The following GOLGA8T variants were observed in gnomAD, a reference collection of about 807,000 sequenced individuals.
The protein encoded by GOLGA8T is golgin subfamily A member 8T.
In GOLGA8T, 17 loss-of-function variants were observed where a neutral mutation model predicts 52.0. The ratio of observed to expected loss-of-function variants is 0.33; its 90% CI spans 0.22 to 0.49. The LOEUF (loss-of-function observed/expected upper bound fraction) is 0.49. Ranked by LOEUF, GOLGA8T falls within the 20% of genes least tolerant of loss-of-function variation. GOLGA8T has a pLI of 0.99. For synonymous variants in GOLGA8T, 67 were observed against 169.5 expected (o/e 0.40, Z 4.70); for missense variants, 154 against 462.1 (o/e 0.33, Z 6.11).
At chr15:30,142,447 G>T in intron 13 of GOLGA8T, 65 bp downstream of exon 13, 12 of 1,581,138 alleles carry the variant, frequency 7.6e-6, no homozygotes, top group South Asian at 1.1e-5. Flanking sequence ...AGACTCTGGG[G>T]AGGGGAGGTA....
At chr15:30,142,409 A>G (rs754547330) in intron 13 of GOLGA8T, 27 bp downstream of exon 13, 1 of 1,572,310 alleles carries the variant, frequency 6.4e-7, no homozygotes, top group Non-Finnish European at 8.5e-7. Context: ...CCTCCACCCC[A>G]TCCAAGAAGG....
Position 30,141,963 on chromosome 15 carries a change from C to G in GOLGA8T, c.1036C>G (p.Gln346Glu). 1 of 435,628 alleles carries G rather than the reference C, an allele frequency of 2.3e-6. No homozygotes were observed. The highest frequency in any genetic ancestry group is 2.3e-5 in the South Asian group (1 of 43,766). 27.0% of individuals were successfully genotyped at this position (435,628 alleles called of 1,614,324 possible). A position where few individuals can be genotyped will look rare whatever the true frequency, so the allele number is the denominator to read the frequency against. The stretch of plus-strand genomic sequence containing the variant: ...GCGACAAGAAGAGAGGATTCAGGAG[C>G]AGGAAGAGAGGCTTCGGAAGCAGGA... ...NQRQEERIQE[Q>E]EERLRKQEER... Residue 346 changes from glutamine to glutamate, a missense_variant, in exon 12 of 19, where the codon CAG becomes GAG. Coordinates refer to ENST00000569052, the MANE Select transcript of GOLGA8T (RefSeq NM_001355469.2).
Position 30,142,348 on chromosome 15 carries a change from A to G in GOLGA8T, c.1166A>G (p.Gln389Arg). Residue 389 changes from glutamine (Q) to arginine (R), a missense_variant, in exon 13 of 19, where the codon CAG (glutamine) becomes CGG (arginine). By Grantham distance (43) the Gln-to-Arg change is conservative. Coordinates refer to ENST00000569052, the MANE Select transcript of GOLGA8T (RefSeq NM_001355469.2). ...AACAAGAACGCACTGCAGTTGGAGC[A>G]GCAAGTAAAGGAGCTACAGGAGAAG... ...NENKNALQLE[Q>R]QVKELQEKLG... The G allele has an allele frequency of 6.4e-7, 1 of 1,551,946 alleles. No individual in the cohort carries two copies. Among genetic ancestry groups the G allele is most frequent in the East Asian group, 2.3e-5 (1 of 42,648 alleles).
rs757836686 is a variant in GOLGA8T at position 30,142,310 on chromosome 15, C to G, written c.1132-4C>G. The G allele has an allele frequency of 7.9e-6, 12 of 1,513,438 alleles. No individual in the cohort carries two copies. The highest frequency in any genetic ancestry group is 1.1e-5 in the Non-Finnish European group (12 of 1,137,644). The allele number at this position is 1,513,438 out of a possible 1,614,324, so 93.8% of individuals were successfully genotyped here. ...GTGGCTGCTGATTGCTTCTCTCTGT[C>G]CAGAACAATGAGAACAAGAACGCAC... is the stretch of plus-strand genomic sequence containing the variant. On this transcript the variant is annotated splice_region_variant and splice_polypyrimidine_tract_variant and intron_variant, in intron 12 of 18. Transcript: ENST00000569052.
chr15:30,137,299 A>T (rs2057702722), intron 2 of GOLGA8T, among the ~76,000 whole-genome samples: 2 of 140,716 alleles, frequency 1.4e-5, no homozygotes, highest in African/African-American at 5.5e-5. Context: ...AATGGTGTGA[A>T]CCTGGGAGGT....
chr15:30,144,594 A>G (rs1229009269), intron 15 of GOLGA8T, among the ~76,000 whole-genome samples, 185 bp from the exon 16 acceptor site: 76 of 134,656 alleles, frequency 5.6e-4, no homozygotes, highest in South Asian at 2.2e-3. Context: ...AGCCAGAGGC[A>G]GCCAGAGGCC....
At chr15:30,144,634 G>A in intron 15 of GOLGA8T, 145 bp from the exon 16 acceptor site, 1 of 1,236,686 alleles carries the variant, frequency 8.1e-7, no homozygotes. Context: ...GGGCGAGTCT[G>A]TGAGTAGGGA....
intron 8 of GOLGA8T, among the ~76,000 whole-genome samples, 168 bp from the exon 9 acceptor site, chr15:30,140,674 C>G (rs1243630819): frequency 1.4e-5 from 2 of 145,730 alleles, no homozygotes; most frequent in Non-Finnish European, 3.0e-5. Flanking sequence ...CATTCCCTGT[C>G]CGTTCCAACT....
Position 30,148,301 on chromosome 15 carries a change from A to T in GOLGA8T, c.*2734A>T, listed in dbSNP as rs1408776906. Among the ~76,000 whole-genome samples the T allele has an allele frequency of 7.9e-6, 1 of 126,550 alleles. No individual in the cohort carries two copies. The highest frequency in any genetic ancestry group is 7.3e-5 in the Admixed American group (1 of 13,684). The allele number at this position is 126,550 out of a possible 152,430, so 83.0% of individuals were successfully genotyped here. On this transcript the variant is annotated 3_prime_UTR_variant, in exon 19 of 19. Coordinates refer to ENST00000569052, the MANE Select transcript of GOLGA8T (RefSeq NM_001355469.2). ...TTAAAGATGGCAATATATAATAATC[A>T]TTTTAAAAGTATTTGATTCAACCTG...
chr15:30,144,583 G>A (rs1328658543), intron 15 of GOLGA8T, among the ~76,000 whole-genome samples, 196 bp from the exon 16 acceptor site: 33 of 134,532 alleles, frequency 2.5e-4, no homozygotes, highest in African/African-American at 1.0e-3. Context: ...GGCCCAGAAG[G>A]AGCCAGAGGC....
rs762479493 is a variant in GOLGA8T at position 30,140,894 on chromosome 15, G to T, written c.644G>T (p.Arg215Leu). The T allele has an allele frequency of 1.9e-6, 3 of 1,555,592 alleles. No individual in the cohort carries two copies. Among genetic ancestry groups the T allele is most frequent in the Non-Finnish European group, 1.7e-6 (2 of 1,160,460 alleles). ...GAGTGGAAGTTAGAGCAGTCCATGC[G>T]GGAGGAGACACTACTGAAAGTGCAG... ...RTEWKLEQSM[R>L]EETLLKVQLT... The change falls in exon 9 of 19, where the codon CGG becomes CTG. Residue 215 changes from arginine to leucine, a missense_variant. By Grantham distance (102) the Arg-to-Leu change is moderately radical. Transcript: ENST00000569052.
rs2057845647 is a variant in GOLGA8T, at chr15:30,148,457, A to ATG, written c.*2891_*2892insGT. On this transcript the variant is annotated 3_prime_UTR_variant, in exon 19 of 19. Transcript: ENST00000569052. ...TTTATCTTAGTCATTTTAAAATAAT[A>ATG]TAACTATTAAAAAATGTAACTGCTA... 7.7e-6 allele frequency among the ~76,000 whole-genome samples: 1 copy of ATG among 129,280 alleles called. No homozygotes were observed. Among genetic ancestry groups the ATG allele is most frequent in the Non-Finnish European group, 1.5e-5 (1 of 64,652 alleles). 84.8% of individuals were successfully genotyped at this position (129,280 alleles called of 152,430 possible).
Position 30,140,919 on chromosome 15 carries a change from GCTGACA to G in GOLGA8T, c.671_676del (p.Leu224_Thr225del), listed in dbSNP as rs2140645934. 1 of 1,557,782 alleles carries G rather than the reference GCTGACA, an allele frequency of 6.4e-7. No individual in the cohort carries two copies. The highest frequency in any genetic ancestry group is 8.6e-7 in the Non-Finnish European group (1 of 1,160,688). Reference sequence around the variant, plus strand: ...GGGAGGAGACACTACTGAAAGTGCAGCTGACACAGGTGAGGTTTTCTGAGGGAGTTA... The same window carrying G: ...GGGAGGAGACACTACTGAAAGTGCAGCAGGTGAGGTTTTCTGAGGGAGTTA... On this transcript the variant is annotated inframe_deletion, in exon 9 of 19. Coordinates refer to ENST00000569052, the MANE Select transcript of GOLGA8T (RefSeq NM_001355469.2).
chr15:30,137,549 ATTG>A (rs2057706270), intron 2 of GOLGA8T, among the ~76,000 whole-genome samples: 1 of 131,486 alleles, frequency 7.6e-6, no homozygotes. Flanking sequence ...GAGATTTGTT[ATTG>A]TTGTTTTTAT....
Position 30,140,859 on chromosome 15 carries a change from A to G in GOLGA8T, c.609A>G (p.Lys203=), listed in dbSNP as rs749493144. The G allele has an allele frequency of 7.0e-6, 11 of 1,564,702 alleles. 2 individuals are homozygous for G. The highest frequency in any genetic ancestry group is 6.0e-6 in the Non-Finnish European group (7 of 1,161,542). The part of the protein sequence containing the change: ...KKANQLSSRS[K]ARTEWKLEQS... ...CCATCCAGTTGTCCAGCCGCAGCAAAGCACGTACGGAGTGGAAGTTAGAGC... is the reference window on the plus strand; with the variant it reads ...CCATCCAGTTGTCCAGCCGCAGCAAGGCACGTACGGAGTGGAAGTTAGAGC... The change falls in exon 9 of 19, where the codon AAA becomes AAG. Residue 203 remains lysine, a synonymous_variant. Coordinates refer to ENST00000569052, the MANE Select transcript of GOLGA8T (RefSeq NM_001355469.2).
intron 8 of GOLGA8T, among the ~76,000 whole-genome samples, chr15:30,140,522 G>T (rs2140644890): frequency 1.6e-5 from 2 of 127,030 alleles, no homozygotes; most frequent in Admixed American, 1.5e-4. Context: ...TATGGTGGTT[G>T]CGAGGATTAA....
At position 30,142,380 on chromosome 15, in the gene GOLGA8T, G is replaced by A. The variant is rs1169034760; in HGVS notation, c.1198G>A (p.Glu400Lys). The change falls in exon 13 of 19, where the codon GAG (glutamate) becomes AAG (lysine). Residue 400 changes from glutamate (E) to lysine (K), a missense_variant and splice_region_variant. Transcript: ENST00000569052. ...QVKELQEKLG[E>K]EHLEAASQQN... ...AAAGGAGCTACAGGAGAAGCTTGGC[G>A]AGGTGAAGGAGACGGAAACCTCCAC... is the stretch of plus-strand genomic sequence containing the variant. 1.5e-5 allele frequency: 23 copies of A among 1,552,776 alleles called. 2 individuals carry two copies. The highest frequency in any genetic ancestry group is 1.0e-4 in the South Asian group (9 of 86,958).
intron 1 of GOLGA8T, among the ~76,000 whole-genome samples, chr15:30,136,586 C>G (rs1460182618): frequency 2.7e-5 from 4 of 148,196 alleles, no homozygotes; most frequent in African/African-American, 1.0e-4. Context: ...CTACCTCTGC[C>G]TCTGGTTTTG....
chr15:30,143,455 C>G, intron 13 of GOLGA8T, 151 bp from the exon 14 acceptor site: 1 of 1,469,274 alleles, frequency 6.8e-7, no homozygotes, highest in Non-Finnish European at 8.9e-7. Context: ...AATGAACCAG[C>G]TGCAGCAGCA....
Sources: gnomAD v4.1 joint callset for allele counts (sites outside exome capture counted in the v4.1 genomes callset) on GRCh38, gnomAD v4.1.1 for gene constraint, MANE v1.5 for transcripts, NCBI Gene and HGNC (gene_info 2026-07-23, HGNC 2026-07-21) for gene names.